The following RAB44 variants were observed in gnomAD, a reference collection of about 807,000 sequenced individuals.
RAB44 encodes RAB44, member RAS oncogene family.
A neutral mutation model predicts 93.3 loss-of-function variants in RAB44; 67 were observed. The ratio of observed to expected loss-of-function variants is 0.72; its 90% CI spans 0.59 to 0.88. The LOEUF (loss-of-function observed/expected upper bound fraction) is 0.88, where lower values mean the gene tolerates loss of function less well. Ranked by LOEUF, RAB44 falls within the 40% of genes least tolerant of loss-of-function variation. The pLI, the probability that RAB44 is intolerant of heterozygous loss-of-function variation, is 0.00. For missense variants in RAB44, 1,064 were observed against 1,261.7 expected, an observed-to-expected ratio of 0.84 and a Z score of 2.37; for synonymous variants, 427 against 520.3, an observed-to-expected ratio of 0.82 and a Z score of 2.44.
At position 36,728,746 on chromosome 6, in the gene RAB44, T is replaced by C; in HGVS notation, c.2843T>C (p.Met948Thr). Residue 948 changes from methionine (M) to threonine (T), a missense_variant, in exon 12 of 14, where the codon ATG (methionine) becomes ACG (threonine). Transcript: ENST00000612677. ...GTCATCCTTCTCCTGGGAAACAAGA[T>C]GGACTGTGAGGAGGAACGGCAAGTG... ...GVVILLLGNK[M>T]DCEEERQVSV... 6.4e-7 allele frequency: 1 copy of C among 1,550,530 alleles called. No homozygotes were observed. The highest frequency in any genetic ancestry group is 8.7e-7 in the Non-Finnish European group (1 of 1,146,964).
chr6:36,720,434 G>A lies in RAB44; in HGVS notation c.900G>A (p.Glu300=). The change falls in exon 8 of 14, where the codon GAG becomes GAA. Residue 300 remains glutamate, a synonymous_variant. Transcript: ENST00000612677. The part of the protein sequence containing the change: ...EAASENQQLQ[E]AKRDLAGRLE... ...CCTCAGAGAACCAGCAGCTGCAGGA[G>A]GCCAAGCGTGACCTGGCTGGGCGGC... The A allele has an allele frequency of 8.1e-7, 1 of 1,232,878 alleles. No individual in the cohort carries two copies. Among genetic ancestry groups the A allele is most frequent in the Non-Finnish European group, 1.0e-6 (1 of 988,372 alleles). The allele number at this position is 1,232,878 out of a possible 1,614,324, so 76.4% of individuals were successfully genotyped here. A position where few individuals can be genotyped will look rare whatever the true frequency, so the allele number is the denominator to read the frequency against.
At position 36,718,608 on chromosome 6, in the gene RAB44, A is replaced by G; in HGVS notation, c.828+20A>G. 8.4e-7 allele frequency: 1 copy of G among 1,193,556 alleles called. No individual in the cohort carries two copies. Among genetic ancestry groups the G allele is most frequent in the Non-Finnish European group, 1.1e-6 (1 of 950,804 alleles). 73.9% of individuals were successfully genotyped at this position (1,193,556 alleles called of 1,614,324 possible). ...AGGGAGGTGAGTAATAGGGTTTCCCAGAAACCTACTTCCGAACAGGTCTTT... is the reference window on the plus strand; with the variant it reads ...AGGGAGGTGAGTAATAGGGTTTCCCGGAAACCTACTTCCGAACAGGTCTTT... On this transcript the variant is annotated intron_variant, in intron 7 of 13. Coordinates refer to ENST00000612677, the MANE Select transcript of RAB44 (RefSeq NM_001257357.2).
In RAB44 at chr6:36,704,316, T is replaced by C. The variant is rs1401855343; in HGVS notation, c.81T>C (p.Asp27=). 2.6e-6 allele frequency: 4 copies of C among 1,536,018 alleles called. No homozygotes were observed. Among genetic ancestry groups the C allele is most frequent in the South Asian group, 1.2e-5 (1 of 84,064 alleles). Residue 27 remains aspartate (D), a synonymous_variant, in exon 2 of 14, where the codon GAT becomes GAC. Coordinates refer to ENST00000612677, the MANE Select transcript of RAB44 (RefSeq NM_001257357.2). ...GGCGGCAGACAAGAGAGCCAGCTGA[T>C]GGTGAAGGCGCTGCAGTGGCCCCAG... ...NRRRQTREPA[D]GEGAAVAPEP... is the part of the protein sequence containing the mutation.
At chr6:36,727,444 G>A in intron 10 of RAB44, 133 bp from the exon 11 acceptor site, 1 of 637,580 alleles carries the variant, frequency 1.6e-6, no homozygotes. Flanking sequence ...TAACTACACT[G>A]TACGAAGAAA....
rs982184641 is a variant in RAB44, at chr6:36,707,030, T to C, written c.207+2588T>C. 9.2e-5 allele frequency among the ~76,000 whole-genome samples: 14 copies of C among 152,184 alleles called. No individual in the cohort carries two copies. In the South Asian group the frequency reaches 2.9e-3, roughly 32 times the overall value. ...AATGTTGAATATCAGTTTACAAAAG[T>C]ATAATCTGGCAGGGCATGGTGGCTC... On this transcript the variant is annotated intron_variant, in intron 2 of 13. Coordinates refer to ENST00000612677, the MANE Select transcript of RAB44 (RefSeq NM_001257357.2).
intron 7 of RAB44, among the ~76,000 whole-genome samples, chr6:36,719,305 A>AT (rs1388656446): frequency 6.6e-6 from 1 of 152,130 alleles, no homozygotes; most frequent in Non-Finnish European, 1.5e-5. Flanking sequence ...TACCAGGTTG[A>AT]TTTCCCAGGT....
At position 36,724,258 on chromosome 6, in the gene RAB44, C is replaced by T. The variant is rs183162278; in HGVS notation, c.2599+1525C>T. Among the ~76,000 whole-genome samples the T allele has an allele frequency of 1.7e-3, 265 of 152,168 alleles. 2 individuals carry two copies. The highest frequency in any genetic ancestry group is 6.1e-3 in the African/African-American group (252 of 41,496). On this transcript the variant is annotated intron_variant, in intron 9 of 13. Coordinates refer to ENST00000612677, the MANE Select transcript of RAB44 (RefSeq NM_001257357.2). ...TTTCTGCTTACTGCAACCTCTGCTT[C>T]CTGGGTTCAAGTGATTCTCCTGCCT... is the stretch of plus-strand genomic sequence containing the variant.
At position 36,716,977 on chromosome 6, in the gene RAB44, A is replaced by C. The variant is rs376352885; in HGVS notation, c.495-296A>C. Among the ~76,000 whole-genome samples the C allele has an allele frequency of 2.6e-5, 4 of 152,290 alleles. No individual in the cohort carries two copies. In the East Asian group the frequency reaches 7.7e-4, roughly 29 times the overall value. On this transcript the variant is annotated intron_variant, in intron 4 of 13. Coordinates refer to ENST00000612677, the MANE Select transcript of RAB44 (RefSeq NM_001257357.2). ...TCACACAGCCTCAGAGTGAGAGAAGAGAGAGGGCAGATGGAAGCTCTGGGC... is the reference window on the plus strand; with the variant it reads ...TCACACAGCCTCAGAGTGAGAGAAGCGAGAGGGCAGATGGAAGCTCTGGGC...
intron 2 of RAB44, among the ~76,000 whole-genome samples, chr6:36,713,107 T>C (rs1762827181): frequency 6.6e-6 from 1 of 152,210 alleles, no homozygotes; most frequent in South Asian, 2.1e-4. Context: ...AGTCCAAAAC[T>C]TGTTATAATT....
intron 10 of RAB44, 90 bp from the exon 11 acceptor site, chr6:36,727,486 AG>A (rs1412748002): frequency 2.6e-6 from 2 of 773,702 alleles, no homozygotes; most frequent in Non-Finnish European, 4.5e-6. Flanking sequence ...GGAAGCAATT[AG>A]AAGTAGGATA....
At chr6:36,716,469 C>G (rs992661164) in intron 4 of RAB44, among the ~76,000 whole-genome samples, 1 of 76,262 alleles carries the variant, frequency 1.3e-5, no homozygotes, top group East Asian at 3.7e-4. Context: ...GACTCTGTCT[C>G]AAAAAAAAAA....
chr6:36,706,091 G>C (rs1762643925), intron 2 of RAB44, among the ~76,000 whole-genome samples: 1 of 152,018 alleles, frequency 6.6e-6, no homozygotes, highest in Admixed American at 6.6e-5. Flanking sequence ...ATAAAGATGA[G>C]GTCTTGCTAT....
At chr6:36,727,474 T>G in intron 10 of RAB44, 103 bp from the exon 11 acceptor site, 1 of 717,092 alleles carries the variant, frequency 1.4e-6, no homozygotes. Flanking sequence ...ACATGCTCTG[T>G]GGGAAGCAAT....
At chr6:36,725,794 G>A (rs918153645) in intron 9 of RAB44, 68 bp from the exon 10 acceptor site, 1 of 1,077,728 alleles carries the variant, frequency 9.3e-7, no homozygotes, top group African/African-American at 1.6e-5. Context: ...GGTGTATACT[G>A]GGGTAGGCCT....
intron 9 of RAB44, 68 bp downstream of exon 9, chr6:36,722,801 C>T (rs138609339): frequency 3.4e-4 from 513 of 1,525,166 alleles, no homozygotes; most frequent in Non-Finnish European, 4.2e-4. Context: ...CGAGTGAGAG[C>T]GGGCCCAGAC....
At position 36,732,147 on chromosome 6, in the gene RAB44, G is replaced by A. The variant is rs964607892; in HGVS notation, c.*54G>A. On this transcript the variant is annotated 3_prime_UTR_variant, in exon 14 of 14. Coordinates refer to ENST00000612677, the MANE Select transcript of RAB44 (RefSeq NM_001257357.2). ...CACCCATGGGGTTTCCTGTCCCTCA[G>A]CTCCTGTCCTTTGTTCCTGGACAGC... The A allele has an allele frequency of 8.9e-7, 1 of 1,127,886 alleles. No individual in the cohort carries two copies. Among genetic ancestry groups the A allele is most frequent in the Non-Finnish European group, 1.1e-6 (1 of 891,120 alleles). 69.9% of individuals were successfully genotyped at this position (1,127,886 alleles called of 1,614,324 possible). A position where few individuals can be genotyped will look rare whatever the true frequency, so the allele number is the denominator to read the frequency against.
At chr6:36,728,631 T>C in intron 11 of RAB44, 69 bp from the exon 12 acceptor site, 1 of 1,317,738 alleles carries the variant, frequency 7.6e-7, no homozygotes, top group East Asian at 2.5e-5. Flanking sequence ...GTTCAGCTTC[T>C]AGGAAGGCAA....
intron 2 of RAB44, among the ~76,000 whole-genome samples, chr6:36,707,909 A>G (rs767718925): frequency 6.6e-6 from 1 of 152,180 alleles, no homozygotes; most frequent in Non-Finnish European, 1.5e-5. Context: ...CTATTTCATA[A>G]TGGTTTGATC....
chr6:36,717,953 C>T lies in RAB44; in HGVS notation c.642-75C>T, dbSNP rs1762965409. ...AATAGGATGGATTCCAAACCCAAGCCCAGACTGCCCCTGCCAGCAGCAGGC... is the reference window on the plus strand; with the variant it reads ...AATAGGATGGATTCCAAACCCAAGCTCAGACTGCCCCTGCCAGCAGCAGGC... On this transcript the variant is annotated intron_variant, in intron 5 of 13. Transcript: ENST00000612677. The surrounding 1 kb of genome is among the most constrained non-coding windows in gnomAD (Gnocchi z 4.1). The T allele has an allele frequency of 1.1e-6, 1 of 933,762 alleles. No individual in the cohort carries two copies. Among genetic ancestry groups the T allele is most frequent in the Non-Finnish European group, 1.4e-6 (1 of 715,826 alleles). 57.8% of individuals were successfully genotyped at this position (933,762 alleles called of 1,614,324 possible).
Sources: gnomAD v4.1 joint callset for allele counts (sites outside exome capture counted in the v4.1 genomes callset) on GRCh38, gnomAD v4.1.1 for gene constraint, Gnocchi (gnomAD v3.1) non-coding constraint, MANE v1.5 for transcripts, NCBI Gene and HGNC (gene_info 2026-07-23, HGNC 2026-07-21) for gene names.